The following TRIP6 variants were observed in gnomAD, a reference collection of about 807,000 sequenced individuals.
The protein encoded by TRIP6 is thyroid receptor-interacting protein 6.
A neutral mutation model predicts 51.9 loss-of-function variants in TRIP6; 33 were observed. That is an observed-to-expected ratio of 0.64 (90% CI 0.48 to 0.85). The LOEUF (loss-of-function observed/expected upper bound fraction) is 0.85, where lower values mean the gene tolerates loss of function less well. Among genes scored for constraint, TRIP6 ranks in the 40% least tolerant of loss-of-function variants. The pLI is 0.00. For missense variants in TRIP6, 661 were observed against 652.1 expected (o/e 1.01, Z -0.15); for synonymous variants, 255 against 275.8 (o/e 0.92, Z 0.75).
chr7:100,872,586 C>T (rs1415150395), intron 7 of TRIP6, 38 bp from the exon 8 acceptor site: 1 of 1,612,296 alleles, frequency 6.2e-7, no homozygotes. Flanking sequence ...CCTGCAACCC[C>T]AAGGCTTGAT....
chr7:100,870,340 G>A, intron 4 of TRIP6, 30 bp from the exon 5 acceptor site: 1 of 1,463,584 alleles, frequency 6.8e-7, no homozygotes, highest in South Asian at 1.2e-5. Context: ...AGGAGCTAGA[G>A]TAGGACCGAG....
chr7:100,873,179 G>C lies in TRIP6; in HGVS notation c.1307G>C (p.Gly436Ala). 6.2e-7 allele frequency: 1 copy of C among 1,611,750 alleles called. No homozygotes were observed. The highest frequency in any genetic ancestry group is 8.5e-7 in the Non-Finnish European group (1 of 1,178,670). ...TTGCTTCTTTTTCAACAGGAGTGTG[G>C]GCTGCTGCTCTCCTCTGAGGGCGAG... ...HIGCYKCEECGLLLSSEGECQ... is the reference protein window; with the variant it reads ...HIGCYKCEECALLLSSEGECQ... The change falls in exon 9 of 9, where the codon GGG becomes GCG. Residue 436 changes from glycine to alanine, a missense_variant. By Grantham distance (60) the Gly-to-Ala change is moderately conservative. Transcript: ENST00000200457.
At chr7:100,870,869 T>G in intron 6 of TRIP6, 126 bp downstream of exon 6, 2 of 1,325,806 alleles carry the variant, frequency 1.5e-6, no homozygotes, top group African/African-American at 1.5e-5. Context: ...CTGAAAGTGA[T>G]GTACAAACAG....
chr7:100,867,850 C>T lies in TRIP6; in HGVS notation c.110-11C>T, dbSNP rs1301703034. 2.6e-6 allele frequency: 4 copies of T among 1,541,492 alleles called. No individual in the cohort carries two copies. The African/African-American group carries it at 5.6e-5, about 22-fold the overall frequency. Reference sequence around the variant, plus strand: ...GCCACCCCACCTTTGATTTCTCTTCCCTCAACCCAGCACTCCAGCCCCACC... The same window carrying T: ...GCCACCCCACCTTTGATTTCTCTTCTCTCAACCCAGCACTCCAGCCCCACC... On this transcript the variant is annotated splice_polypyrimidine_tract_variant and intron_variant, in intron 1 of 8. Coordinates refer to ENST00000200457, the MANE Select transcript of TRIP6 (RefSeq NM_003302.3). This position sits in a 1 kb window ranked among gnomAD's most constrained non-coding sequence, Gnocchi z 5.4.
Position 100,870,457 on chromosome 7 carries a change from T to G in TRIP6, c.823T>G (p.Tyr275Asp), listed in dbSNP as rs1563002888. Residue 275 changes from tyrosine (Y) to aspartate (D), a missense_variant, in exon 5 of 9, where the codon TAC becomes GAC. Transcript: ENST00000200457. ...CATGAACCACCCGCCCAGCGGGGAG[T>G]ACTTTGGTGAGCTGAGGCTGTGGGG... ...HDMNHPPSGE[Y>D]FGQCGGCGED... is the part of the protein sequence containing the mutation. 3.1e-6 allele frequency: 5 copies of G among 1,611,180 alleles called. No homozygotes were observed. In the Admixed American group the frequency reaches 5.0e-5, roughly 16 times the overall value.
chr7:100,868,589 C>CTCCA lies in TRIP6; in HGVS notation c.459_462dup (p.Ala155SerfsTer54). 6.2e-7 allele frequency: 1 copy of CTCCA among 1,613,040 alleles called. No individual in the cohort carries two copies. The highest frequency in any genetic ancestry group is 8.5e-7 in the Non-Finnish European group (1 of 1,180,004). On this transcript the variant is annotated frameshift_variant, in exon 4 of 9. Transcript: ENST00000200457. LOFTEE classifies it high-confidence loss of function. ...CCAGCGTCTCCCTATGGGGGCCCCA[C>CTCCA]TCCAGCCTCTTACACTACCGCCAGC...
intron 8 of TRIP6, chr7:100,872,955 AT>A (rs1815304049): frequency 9.3e-7 from 1 of 1,072,978 alleles, no homozygotes; most frequent in Admixed American, 3.0e-5. Context: ...GGTTCAAGTG[AT>A]TCTCCTGCCT....
rs1291460394 is a variant in TRIP6 at position 100,871,526 on chromosome 7, G to A, written c.1000-17G>A. 6.2e-7 allele frequency: 1 copy of A among 1,609,514 alleles called. No individual in the cohort carries two copies. The stretch of plus-strand genomic sequence containing the variant: ...CTCCCGCCCGCTCCCAGATCTTCCT[G>A]CCTTCCTTCCCAACAGGCCACCCTG... On this transcript the variant is annotated splice_polypyrimidine_tract_variant and intron_variant, in intron 6 of 8. Transcript: ENST00000200457.
chr7:100,871,004 G>A (rs1178166435), intron 6 of TRIP6: 2 of 656,450 alleles, frequency 3.0e-6, no homozygotes, highest in African/African-American at 1.8e-5. Context: ...TGACACCCCT[G>A]TGAGGCAGGT....
In TRIP6 at chr7:100,873,168, A is replaced by G; in HGVS notation, c.1300-4A>G. ...CCGGCCAATTGTTGCTTCTTTTTCAACAGGAGTGTGGGCTGCTGCTCTCCT... is the reference window on the plus strand; with the variant it reads ...CCGGCCAATTGTTGCTTCTTTTTCAGCAGGAGTGTGGGCTGCTGCTCTCCT... On this transcript the variant is annotated splice_polypyrimidine_tract_variant and splice_region_variant and intron_variant, in intron 8 of 8. Transcript: ENST00000200457. 2 of 1,608,968 alleles carry G rather than the reference A, an allele frequency of 1.2e-6. No homozygotes were observed. Among genetic ancestry groups the G allele is most frequent in the Non-Finnish European group, 8.5e-7 (1 of 1,176,758 alleles).
Position 100,872,725 on chromosome 7 carries a change from T to C in TRIP6, c.1280T>C (p.Ile427Thr), listed in dbSNP as rs749674284. Reference protein sequence around the residue: ...RIVALDRSFHIGCYKCEECGL... With the variant: ...RIVALDRSFHTGCYKCEECGL... Reference sequence around the variant, plus strand: ...GTTGCTCTGGATCGAAGTTTTCACATTGGCTGTTACAAGTGCGAGGTCAGG... The same window carrying C: ...GTTGCTCTGGATCGAAGTTTTCACACTGGCTGTTACAAGTGCGAGGTCAGG... Residue 427 changes from isoleucine (I) to threonine (T), a missense_variant, in exon 8 of 9, where the codon ATT becomes ACT. Ile to Thr is a moderately conservative substitution (Grantham distance 89). Coordinates refer to ENST00000200457, the MANE Select transcript of TRIP6 (RefSeq NM_003302.3). 38 of 1,613,948 alleles carry C rather than the reference T, an allele frequency of 2.4e-5. No homozygotes were observed. The highest frequency in any genetic ancestry group is 3.0e-5 in the Non-Finnish European group (35 of 1,179,984).
At position 100,871,603 on chromosome 7, in the gene TRIP6, A is replaced by C; in HGVS notation, c.1060A>C (p.Met354Leu). 6.2e-7 allele frequency: 1 copy of C among 1,614,102 alleles called. No individual in the cohort carries two copies. Among genetic ancestry groups the C allele is most frequent in the Non-Finnish European group, 8.5e-7 (1 of 1,180,024 alleles). ...CATCCTGGACCGGATCCTGCGGGCTATGGGGAAGGCCTACCACCCTGGCTG... is the reference window on the plus strand; with the variant it reads ...CATCCTGGACCGGATCCTGCGGGCTCTGGGGAAGGCCTACCACCCTGGCTG... Reference protein sequence around the residue: ...QPILDRILRAMGKAYHPGCFT... With the variant: ...QPILDRILRALGKAYHPGCFT... Residue 354 changes from methionine to leucine, a missense_variant, in exon 7 of 9, where the codon ATG becomes CTG. Physicochemically the swap from Met to Leu is conservative, Grantham distance 15. Coordinates refer to ENST00000200457, the MANE Select transcript of TRIP6 (RefSeq NM_003302.3).
At position 100,870,897 on chromosome 7, in the gene TRIP6, A is replaced by T. The variant is rs1027056797; in HGVS notation, c.999+154A>T. 1.3e-5 allele frequency: 14 copies of T among 1,056,626 alleles called. No homozygotes were observed. In the African/African-American group the frequency reaches 1.7e-4, roughly 13 times the overall value. 65.5% of individuals were successfully genotyped at this position (1,056,626 alleles called of 1,614,324 possible). A position where few individuals can be genotyped will look rare whatever the true frequency, so the allele number is the denominator to read the frequency against. ...ACAAACAGGGCGGAATTCTGCAAGT[A>T]TCAAGCAAGTAGCTTAACACTGGTG... On this transcript the variant is annotated intron_variant, in intron 6 of 8. Coordinates refer to ENST00000200457, the MANE Select transcript of TRIP6 (RefSeq NM_003302.3).
Position 100,867,474 on chromosome 7 carries a change from G to C in TRIP6, c.-24G>C. On this transcript the variant is annotated 5_prime_UTR_variant, in exon 1 of 9. Coordinates refer to ENST00000200457, the MANE Select transcript of TRIP6 (RefSeq NM_003302.3). This position sits in a 1 kb window ranked among gnomAD's most constrained non-coding sequence, Gnocchi z 5.4. The stretch of plus-strand genomic sequence containing the variant: ...AGAGGCTCGGGGCTTCAAGACCGCT[G>C]TCTGGAGTCCCCCTTTCCAGGCCAT... The C allele has an allele frequency of 7.0e-7, 1 of 1,433,312 alleles. No individual in the cohort carries two copies. Among genetic ancestry groups the C allele is most frequent in the Non-Finnish European group, 9.2e-7 (1 of 1,089,632 alleles). The allele number at this position is 1,433,312 out of a possible 1,614,324, so 88.8% of individuals were successfully genotyped here. A position where few individuals can be genotyped will look rare whatever the true frequency, so the allele number is the denominator to read the frequency against.
rs764556423 is a variant in TRIP6 at position 100,871,597 on chromosome 7, C to A, written c.1054C>A (p.Arg352=). ...CSQPILDRIL[R]AMGKAYHPGC... ...CCAGCCCATCCTGGACCGGATCCTG[C>A]GGGCTATGGGGAAGGCCTACCACCC... Residue 352 remains arginine, a synonymous_variant, in exon 7 of 9, where the codon CGG becomes AGG. Coordinates refer to ENST00000200457, the MANE Select transcript of TRIP6 (RefSeq NM_003302.3). The A allele has an allele frequency of 6.2e-7, 1 of 1,613,962 alleles. No homozygotes were observed. Among genetic ancestry groups the A allele is most frequent in the African/African-American group, 1.3e-5 (1 of 74,928 alleles).
chr7:100,871,777 T>C, intron 7 of TRIP6, 56 bp downstream of exon 7: 2 of 1,583,676 alleles, frequency 1.3e-6, no homozygotes, highest in Non-Finnish European at 1.7e-6. Context: ...GTCTCTCTCA[T>C]CTCTTCATGC....
Position 100,867,917 on chromosome 7 carries a change from C to T in TRIP6, c.166C>T (p.Gln56Ter). Reference sequence around the variant, plus strand: ...CCCCCTTCCATCTGAGCAGTGTTACCAGGCCCCAGGGGGACCGGAGGATCG... The same window carrying T: ...CCCCCTTCCATCTGAGCAGTGTTACTAGGCCCCAGGGGGACCGGAGGATCG... ...FCPLPSEQCY[Q>*]APGGPEDRGP... Residue 56 changes from glutamine to a stop codon, truncating the protein, a stop_gained, in exon 2 of 9, where the codon CAG becomes TAG. Coordinates refer to ENST00000200457, the MANE Select transcript of TRIP6 (RefSeq NM_003302.3). LOFTEE classifies it high-confidence loss of function. The surrounding 1 kb of genome is among the most constrained non-coding windows in gnomAD (Gnocchi z 5.4). The T allele has an allele frequency of 6.6e-7, 1 of 1,523,402 alleles. No homozygotes were observed. The highest frequency in any genetic ancestry group is 2.3e-5 in the East Asian group (1 of 43,102). The allele number at this position is 1,523,402 out of a possible 1,614,324, so 94.4% of individuals were successfully genotyped here.
chr7:100,867,480 A>G lies in TRIP6; in HGVS notation c.-18A>G, dbSNP rs1306007712. On this transcript the variant is annotated 5_prime_UTR_variant, in exon 1 of 9. Coordinates refer to ENST00000200457, the MANE Select transcript of TRIP6 (RefSeq NM_003302.3). The surrounding 1 kb of genome is among the most constrained non-coding windows in gnomAD (Gnocchi z 5.4). ...TCGGGGCTTCAAGACCGCTGTCTGG[A>G]GTCCCCCTTTCCAGGCCATGTCGGG... 4 of 1,442,668 alleles carry G rather than the reference A, an allele frequency of 2.8e-6. No individual in the cohort carries two copies. The highest frequency in any genetic ancestry group is 3.7e-6 in the Non-Finnish European group (4 of 1,095,640). 89.4% of individuals were successfully genotyped at this position (1,442,668 alleles called of 1,614,324 possible). A position where few individuals can be genotyped will look rare whatever the true frequency, so the allele number is the denominator to read the frequency against.
Position 100,867,521 on chromosome 7 carries a change from C to G in TRIP6, c.24C>G (p.Pro8=). 1 of 1,512,552 alleles carries G rather than the reference C, an allele frequency of 6.6e-7. No individual in the cohort carries two copies. Among genetic ancestry groups the G allele is most frequent in the Non-Finnish European group, 8.8e-7 (1 of 1,132,332 alleles). The allele number at this position is 1,512,552 out of a possible 1,614,324, so 93.7% of individuals were successfully genotyped here. Reference sequence around the variant, plus strand: ...CCATGTCGGGGCCCACCTGGCTGCCCCCGAAGCAGCCGGAGCCCGCCAGAG... The same window carrying G: ...CCATGTCGGGGCCCACCTGGCTGCCGCCGAAGCAGCCGGAGCCCGCCAGAG... MSGPTWL[P]PKQPEPARAP... Residue 8 remains proline, a synonymous_variant, in exon 1 of 9, where the codon CCC becomes CCG. Transcript: ENST00000200457. This position sits in a 1 kb window ranked among gnomAD's most constrained non-coding sequence, Gnocchi z 5.4.
Sources: gnomAD v4.1 joint callset for allele counts on GRCh38, gnomAD v4.1.1 for gene constraint, Gnocchi (gnomAD v3.1) non-coding constraint, MANE v1.5 for transcripts, NCBI Gene and HGNC (gene_info 2026-07-23, HGNC 2026-07-21) for gene names.